DLGAP1: variants seen among roughly 807,000 people sequenced by gnomAD.
DLGAP1 encodes disks large-associated protein 1.
In DLGAP1, 11 loss-of-function variants were observed where a neutral mutation model predicts 90.8. The observed-to-expected ratio is 0.12, with a 90% CI of 0.08 to 0.20. The LOEUF (loss-of-function observed/expected upper bound fraction) is 0.20. Among genes scored for constraint, DLGAP1 ranks in the 10% least tolerant of loss-of-function variants. DLGAP1 has a pLI of 1.00. For missense variants in DLGAP1, 1,050 were observed against 1,333.8 expected (o/e 0.79, Z 3.31); for synonymous variants, 558 against 540.7 (o/e 1.03, Z -0.44).
chr18:4,174,332 ATTTTTTAT>A (rs2077070555), intron 1 of DLGAP1, among the ~76,000 whole-genome samples: 1 of 151,028 alleles, frequency 6.6e-6, no homozygotes, highest in East Asian at 1.9e-4. Flanking sequence ...ATTTTATTTT[ATTTTTTAT>A]TATTATTTTT....
chr18:3,629,594 C>A lies in DLGAP1; in HGVS notation c.1592-47346G>T, dbSNP rs576239210. 5.8e-4 allele frequency among the ~76,000 whole-genome samples: 88 copies of A among 152,122 alleles called. 1 individual carries two copies. Among genetic ancestry groups the A allele is most frequent in the Middle Eastern group, 3.4e-3 (1 of 294 alleles). Reference sequence around the variant, plus strand: ...GGCTGAGGCAGGAGAATGGCGTGAACCCGGGAGGCGGAGCTTGCAGTGAGC... The same window carrying A: ...GGCTGAGGCAGGAGAATGGCGTGAAACCGGGAGGCGGAGCTTGCAGTGAGC... On this transcript the variant is annotated intron_variant, in intron 7 of 12. Coordinates refer to ENST00000315677, the MANE Select transcript of DLGAP1 (RefSeq NM_004746.4).
chr18:3,527,245 C>T (rs1396624289), intron 10 of DLGAP1, among the ~76,000 whole-genome samples: 1 of 152,090 alleles, frequency 6.6e-6, no homozygotes, highest in Non-Finnish European at 1.5e-5. Flanking sequence ...GCAGCTGTCA[C>T]AATTAGCATA....
chr18:4,436,288 G>A (rs996466605), intron 1 of DLGAP1, among the ~76,000 whole-genome samples: 4 of 151,930 alleles, frequency 2.6e-5, no homozygotes, highest in Non-Finnish European at 4.4e-5. Flanking sequence ...AAATATAAGT[G>A]CCTGTCTGGA....
chr18:3,561,891 A>G (rs2054140507), intron 9 of DLGAP1, among the ~76,000 whole-genome samples: 1 of 150,836 alleles, frequency 6.6e-6, no homozygotes. Flanking sequence ...AGGCCCCACA[A>G]TCATGGCATA....
At chr18:3,527,653 C>T (rs981759112) in intron 10 of DLGAP1, among the ~76,000 whole-genome samples, 7 of 151,834 alleles carry the variant, frequency 4.6e-5, no homozygotes, top group African/African-American at 1.7e-4. Flanking sequence ...TGCAGTGGCA[C>T]GATCACGGCT....
chr18:4,150,459 C>T (rs951018765), intron 2 of DLGAP1, among the ~76,000 whole-genome samples: 13 of 152,008 alleles, frequency 8.6e-5, no homozygotes, highest in Non-Finnish European at 1.5e-4. Flanking sequence ...GGTGCAATCT[C>T]GGCTCACTGC....
intron 2 of DLGAP1, among the ~76,000 whole-genome samples, chr18:4,093,655 A>G (rs973134641): frequency 2.0e-5 from 3 of 152,162 alleles, no homozygotes; most frequent in Non-Finnish European, 4.4e-5. Flanking sequence ...AAAACTCTAT[A>G]GTAGCAGAGT....
At chr18:3,566,669 ACACTGAAAGTTAGTAG>A (rs2054444027) in intron 9 of DLGAP1, among the ~76,000 whole-genome samples, 1 of 152,188 alleles carries the variant, frequency 6.6e-6, no homozygotes, top group African/African-American at 2.4e-5. Flanking sequence ...CCTAATTAAC[ACACTGAAAGTTAGTAG>A]CAAAGTTGAG....
chr18:4,177,266 T>C (rs2077124811), intron 1 of DLGAP1, among the ~76,000 whole-genome samples: 1 of 149,268 alleles, frequency 6.7e-6, no homozygotes, highest in Non-Finnish European at 1.5e-5. Context: ...GGAATTCTCA[T>C]ATTAAATACT....
intron 7 of DLGAP1, chr18:3,597,800 CAGCA>C: frequency 6.4e-6 from 1 of 155,222 alleles, no homozygotes. Flanking sequence ...CTGTTGGTGT[CAGCA>C]CGATGAGGAA....
intron 1 of DLGAP1, among the ~76,000 whole-genome samples, chr18:4,405,288 A>G (rs772345107): frequency 2.6e-5 from 4 of 152,212 alleles, no homozygotes; most frequent in Non-Finnish European, 5.9e-5. Context: ...TCCATTTTCC[A>G]CTGGTGGAGA....
At chr18:4,315,906 T>G (rs2080513473) in intron 1 of DLGAP1, among the ~76,000 whole-genome samples, 2 of 152,214 alleles carry the variant, frequency 1.3e-5, no homozygotes, top group South Asian at 4.1e-4. Context: ...ACTGATGGTT[T>G]TCCCATGAGA....
chr18:3,746,286 A>G (rs2063267778), intron 5 of DLGAP1, among the ~76,000 whole-genome samples: 1 of 152,138 alleles, frequency 6.6e-6, no homozygotes, highest in Non-Finnish European at 1.5e-5. Flanking sequence ...TATAATCTCA[A>G]TTTCTATACT....
At chr18:4,264,468 A>G (rs937261890) in intron 1 of DLGAP1, 11 of 152,226 alleles carry the variant, frequency 7.2e-5, no homozygotes, top group African/African-American at 2.2e-4. Flanking sequence ...CCTTGCATCA[A>G]TAACTACTTC....
At chr18:3,926,416 AT>A (rs1301291062) in intron 3 of DLGAP1, among the ~76,000 whole-genome samples, 15 of 144,678 alleles carry the variant, frequency 1.0e-4, no homozygotes, top group African/African-American at 3.8e-4. Flanking sequence ...ATATATATAT[AT>A]ATATACACAC....
At chr18:3,555,797 C>T (rs2053717291) in intron 9 of DLGAP1, among the ~76,000 whole-genome samples, 2 of 151,622 alleles carry the variant, frequency 1.3e-5, no homozygotes, top group African/African-American at 2.4e-5. Context: ...GCAACAGGAG[C>T]GAAACTCCGT....
chr18:3,681,294 G>A (rs1039945079), intron 7 of DLGAP1, among the ~76,000 whole-genome samples: 2 of 152,164 alleles, frequency 1.3e-5, no homozygotes, highest in African/African-American at 2.4e-5. Context: ...TTGTGACCAG[G>A]AGAATCAATA....
intron 6 of DLGAP1, among the ~76,000 whole-genome samples, chr18:3,741,035 CCATCACCT>C (rs2062918235): frequency 1.6e-5 from 2 of 128,032 alleles, no homozygotes; most frequent in Admixed American, 1.5e-4. Flanking sequence ...ACCACCACCA[CCATCACCT>C]CACCACCACC....
Position 3,496,471 on chromosome 18 carries a change from C to T in DLGAP1, c.*2714G>A, listed in dbSNP as rs549276634. On this transcript the variant is annotated 3_prime_UTR_variant, in exon 13 of 13. Coordinates refer to ENST00000315677, the MANE Select transcript of DLGAP1 (RefSeq NM_004746.4). ...ATCTTTAATCCATTTCTTCATCTCTCTTTACAAAAAGGTTATGTGAATTGT... is the reference window on the plus strand; with the variant it reads ...ATCTTTAATCCATTTCTTCATCTCTTTTTACAAAAAGGTTATGTGAATTGT... The T allele has an allele frequency of 6.6e-6, 1 of 152,252 alleles. No individual in the cohort carries two copies. Among genetic ancestry groups the T allele is most frequent in the African/African-American group, 2.4e-5 (1 of 41,564 alleles). 9.4% of individuals were successfully genotyped at this position (152,252 alleles called of 1,614,324 possible). A position where few individuals can be genotyped will look rare whatever the true frequency, so the allele number is the denominator to read the frequency against.
Sources: allele counts gnomAD v4.1 joint callset (sites outside exome capture counted in the v4.1 genomes callset), GRCh38; gene constraint gnomAD v4.1.1; transcripts MANE v1.5; gene names NCBI Gene and HGNC (gene_info 2026-07-23, HGNC 2026-07-21).